The following STK33 variants were observed in gnomAD, a reference collection of about 807,000 sequenced individuals.
STK33 encodes the protein serine/threonine kinase 33.
STK33 carries 52 observed loss-of-function variants against 58.0 expected under a neutral mutation model. The observed-to-expected ratio is 0.90, with a 90% CI of 0.72 to 1.13. The LOEUF (loss-of-function observed/expected upper bound fraction) is 1.13. STK33 is among the 50% of genes most tolerant of loss of function. The probability of loss-of-function intolerance (pLI) is 0.00; values close to 1 mark genes in which losing one functional copy is unlikely to be tolerated. For missense variants in STK33, 630 were observed against 604.2 expected (o/e 1.04, Z -0.45); for synonymous variants, 215 against 200.1 (o/e 1.07, Z -0.63).
chr11:8,363,746 T>G, the STK33 span, among the ~76,000 whole-genome samples: 152 of 152,290 alleles, frequency 1.0e-3, no homozygotes, highest in African/African-American at 3.5e-3. Context: ...CCTTTAGAAG[T>G]TTCTTTGTCA....
intron 14 of STK33, among the ~76,000 whole-genome samples, chr11:8,420,950 G>A (rs1298674668): frequency 6.7e-6 from 1 of 150,036 alleles, no homozygotes; most frequent in Non-Finnish European, 1.5e-5. Context: ...AAGTGGGCAT[G>A]CCAGCCTGGG....
intron 1 of STK33, among the ~76,000 whole-genome samples, chr11:8,540,667 T>C (rs1955436162): frequency 6.6e-6 from 1 of 152,050 alleles, no homozygotes; most frequent in Non-Finnish European, 1.5e-5. Flanking sequence ...GGCTCTCACT[T>C]ATACATGGAA....
chr11:8,484,787 G>A (rs949904742), intron 1 of STK33, among the ~76,000 whole-genome samples: 5 of 152,166 alleles, frequency 3.3e-5, no homozygotes, highest in African/African-American at 1.2e-4. Context: ...GTGAGTTTTT[G>A]AAACCTTGCA....
At chr11:8,412,828 C>A (rs1200616768) in intron 15 of STK33, among the ~76,000 whole-genome samples, 1 of 152,100 alleles carries the variant, frequency 6.6e-6, no homozygotes, top group African/African-American at 2.4e-5. Flanking sequence ...GGAAGAGGAC[C>A]TTTGGGTAAA....
chr11:8,449,219 G>T (rs1410044091), intron 11 of STK33, among the ~76,000 whole-genome samples: 2 of 151,632 alleles, frequency 1.3e-5, no homozygotes, highest in Admixed American at 6.6e-5. Context: ...GTGGAAGACA[G>T]TGTGGCGATT....
chr11:8,491,320 G>A (rs570910897), intron 1 of STK33, among the ~76,000 whole-genome samples: 9 of 152,188 alleles, frequency 5.9e-5, no homozygotes, highest in Non-Finnish European at 1.3e-4. Context: ...TAGCCGATTT[G>A]ATCAAGTGGA....
At chr11:8,494,748 T>A (rs1364158674) in intron 1 of STK33, among the ~76,000 whole-genome samples, 1 of 152,094 alleles carries the variant, frequency 6.6e-6, no homozygotes, top group African/African-American at 2.4e-5. Context: ...AAAACAGAGA[T>A]ATAGATCAAT....
At chr11:8,350,824 A>G in the STK33 span, among the ~76,000 whole-genome samples, 2 of 152,188 alleles carry the variant, frequency 1.3e-5, no homozygotes, top group African/African-American at 4.8e-5. Context: ...TAGAAATGGC[A>G]CATGCTGTCC....
intron 15 of STK33, among the ~76,000 whole-genome samples, chr11:8,413,183 G>A (rs904664954): frequency 5.3e-5 from 8 of 152,112 alleles, no homozygotes; most frequent in Admixed American, 1.3e-4. Context: ...CTGTTTTCAC[G>A]CTACAACGTC....
At chr11:8,380,472 A>C in the STK33 span, among the ~76,000 whole-genome samples, 1 of 152,128 alleles carries the variant, frequency 6.6e-6, no homozygotes, top group Non-Finnish European at 1.5e-5. Context: ...AGGCAGGAGA[A>C]TCACTTGAAA....
the STK33 span, among the ~76,000 whole-genome samples, chr11:8,339,269 G>A: frequency 4.6e-5 from 7 of 152,264 alleles, no homozygotes; most frequent in East Asian, 7.7e-4. Context: ...GGTTAGCACC[G>A]ACTTCCAAAT....
In STK33 at chr11:8,511,865, T is replaced by C. The variant is rs142874899; in HGVS notation, c.-465-31251A>G. On this transcript the variant is annotated intron_variant, in intron 1 of 15. Transcript: ENST00000687296. ...ATTATCTTTTTGGTATGCTGTTTGA[T>C]TCCGTTAGCTAGTATTTTGTTGAAG... 6.5e-3 allele frequency among the ~76,000 whole-genome samples: 983 copies of C among 152,306 alleles called. 10 individuals carry two copies. The highest frequency in any genetic ancestry group is 0.022 in the African/African-American group (894 of 41,572).
At chr11:8,538,802 T>C (rs1381512723) in intron 1 of STK33, among the ~76,000 whole-genome samples, 1 of 152,194 alleles carries the variant, frequency 6.6e-6, no homozygotes, top group Non-Finnish European at 1.5e-5. Flanking sequence ...GGATGTCAGC[T>C]ACTTTTTTAA....
At chr11:8,465,299 G>T (rs935370) in intron 6 of STK33, 82,553 of 151,068 alleles carry the variant, frequency 0.55, 22,796 homozygotes, top group African/African-American at 0.63. Flanking sequence ...TGCTTTTCCT[G>T]TATCTTATGA....
Position 8,435,499 on chromosome 11 carries a change from AC to A in STK33, c.1140del (p.Trp380CysfsTer2). 6.9e-7 allele frequency: 1 copy of A among 1,448,684 alleles called. No homozygotes were observed. Among genetic ancestry groups the A allele is most frequent in the Non-Finnish European group, 9.2e-7 (1 of 1,085,022 alleles). 89.7% of individuals were successfully genotyped at this position (1,448,684 alleles called of 1,614,324 possible). Reference protein sequence around the residue: ...ITAKELLDNQWLTGNKLSSVR... With the variant: ...ITAKELLDNQXLTGNKLSSVR... ...AAAGTAATATTGTAACTTACTGTTA[AC>A]CACTGGTTATCTAGTAGTTCCTTAG... On this transcript the variant is annotated frameshift_variant, in exon 14 of 16. Transcript: ENST00000687296. LOFTEE classifies it high-confidence loss of function.
intron 1 of STK33, among the ~76,000 whole-genome samples, chr11:8,527,346 T>C (rs1027801282): frequency 6.6e-6 from 1 of 152,246 alleles, no homozygotes; most frequent in Admixed American, 6.5e-5. Context: ...TTCTGGCATG[T>C]TGACAATGTT....
intron 1 of STK33, among the ~76,000 whole-genome samples, chr11:8,568,281 T>C (rs1307253448): frequency 1.3e-5 from 2 of 152,204 alleles, no homozygotes; most frequent in South Asian, 2.1e-4. Flanking sequence ...AATGTAAACA[T>C]GAACTCATTA....
At chr11:8,522,606 A>G (rs1356444166) in intron 1 of STK33, among the ~76,000 whole-genome samples, 1 of 152,220 alleles carries the variant, frequency 6.6e-6, no homozygotes, top group African/African-American at 2.4e-5. Flanking sequence ...GTCTTTGGCC[A>G]TGATTTACTG....
At chr11:8,347,684 T>C in the STK33 span, among the ~76,000 whole-genome samples, 1 of 152,198 alleles carries the variant, frequency 6.6e-6, no homozygotes, top group Non-Finnish European at 1.5e-5. Flanking sequence ...GGCCCCACCA[T>C]TGAGCCAGAA....
Sources: allele counts gnomAD v4.1 joint callset (sites outside exome capture counted in the v4.1 genomes callset), GRCh38; gene constraint gnomAD v4.1.1; transcripts MANE v1.5; gene names NCBI Gene and HGNC (gene_info 2026-07-23, HGNC 2026-07-21).